SMIM27: variants seen among roughly 807,000 people sequenced by gnomAD.
The protein encoded by SMIM27 is transition zone microprotein 1.
Under a neutral mutation model 1.8 loss-of-function variants are expected in SMIM27, and 3 were observed. The observed-to-expected ratio is 1.65, with a 90% CI of 0.75 to 4.28. The LOEUF (loss-of-function observed/expected upper bound fraction) is 4.28. Among genes scored for constraint, SMIM27 ranks in the 30% most tolerant of loss-of-function variants. The pLI is 0.02. For missense variants in SMIM27, 63 were observed against 37.0 expected, an observed-to-expected ratio of 1.70 and a Z score of -1.83; for synonymous variants, 19 against 13.9, an observed-to-expected ratio of 1.37 and a Z score of -0.82.
intron 1 of SMIM27, chr9:32,566,227 TTG>T: frequency 1.1e-6 from 1 of 883,498 alleles, no homozygotes; most frequent in Non-Finnish European, 1.9e-6. Flanking sequence ...ATAGCTGGTT[TTG>T]TGGGTGGTTT....
At chr9:32,552,779 T>C (rs1821331299) in intron 1 of SMIM27, 22 bp from the exon 2 acceptor site, 1 of 698,546 alleles carries the variant, frequency 1.4e-6, no homozygotes, top group Non-Finnish European at 2.6e-6. Flanking sequence ...ATTTCACACC[T>C]CCTTTGCGAT....
At chr9:32,551,985 G>A (rs919923367), upstream of SMIM27, among the ~76,000 whole-genome samples, 2 of 151,998 alleles carry the variant, frequency 1.3e-5, no homozygotes, top group Non-Finnish European at 2.9e-5. Context: ...TCAGATGCGG[G>A]GAGGCGTGGG....
rs373649750 is a variant in SMIM27, at chr9:32,558,053, C to T, written c.45+5574C>T. 1.2e-4 allele frequency among the ~76,000 whole-genome samples: 18 copies of T among 152,166 alleles called. No individual in the cohort carries two copies. The South Asian group carries it at 3.3e-3, about 28-fold the overall frequency. ...AGTAAATACCAACTGACTACTGAGT[C>T]ACCTTTTAATGCTAAAATAACTCAT... On this transcript the variant is annotated intron_variant, in intron 1 of 1. Coordinates refer to the SMIM27 transcript ENST00000451672.
exon 2 of SMIM27, chr9:32,566,650 C>T: frequency 1.2e-6 from 1 of 800,736 alleles, no homozygotes; most frequent in Non-Finnish European, 2.3e-6. Context: ...CAGGAGCTCA[C>T]CTCTCTCAGG....
chr9:32,565,194 G>A (rs1292351878), intron 1 of SMIM27, among the ~76,000 whole-genome samples: 1 of 151,968 alleles, frequency 6.6e-6, no homozygotes, highest in African/African-American at 2.4e-5. Flanking sequence ...TTGGTAGGCT[G>A]AGGCAGGAGA....
intron 1 of SMIM27, among the ~76,000 whole-genome samples, chr9:32,565,780 C>A (rs554002233): frequency 6.6e-6 from 1 of 152,078 alleles, no homozygotes; most frequent in South Asian, 2.1e-4. Context: ...GAGACCAGGC[C>A]GACCAACATG....
At chr9:32,552,276 G>T (rs1343434389), upstream of SMIM27, 14 of 1,038,160 alleles carry the variant, frequency 1.3e-5, no homozygotes, top group Non-Finnish European at 2.0e-5. Context: ...CCCCAACTCC[G>T]GGCGGAAGAG....
rs1003826569 is a variant in SMIM27 at position 32,564,220 on chromosome 9, C to G, written c.46-2171C>G. ...AAAAACCATGAGTTCACACCAGTAC[C>G]TCCAATTCCATTCTACCACCACAAA... On this transcript the variant is annotated intron_variant, in intron 1 of 1. Transcript: ENST00000451672. Among the ~76,000 whole-genome samples the G allele has an allele frequency of 7.2e-5, 11 of 152,194 alleles. 1 individual carries two copies. Among genetic ancestry groups the G allele is most frequent in the Admixed American group, 6.5e-4 (10 of 15,290 alleles).
At chr9:32,554,489 C>A (rs2118995469), downstream of SMIM27, among the ~76,000 whole-genome samples, 1 of 152,320 alleles carries the variant, frequency 6.6e-6, no homozygotes, top group Admixed American at 6.5e-5. Flanking sequence ...GGAACCTCCA[C>A]TGACAAGCTG....
At chr9:32,551,661 G>C (rs908584066), upstream of SMIM27, 10 of 279,664 alleles carry the variant, frequency 3.6e-5, no homozygotes, top group Admixed American at 3.6e-4. Flanking sequence ...GGCCTCAAAT[G>C]TGAGCGCCCC....
chr9:32,565,385 T>C (rs965025950), intron 1 of SMIM27: 1 of 152,192 alleles, frequency 6.6e-6, no homozygotes, highest in Admixed American at 6.5e-5. Context: ...CACCTCTCTT[T>C]TGGGCATTTA....
At chr9:32,566,162 A>G (rs2119026284) in intron 1 of SMIM27, 1 of 705,604 alleles carries the variant, frequency 1.4e-6, no homozygotes, top group Non-Finnish European at 2.6e-6. Context: ...TGGCGCTTTC[A>G]CACAGGCCAC....
At chr9:32,566,245 T>G (rs942666134) in intron 1 of SMIM27, 10 of 999,974 alleles carry the variant, frequency 1.0e-5, no homozygotes, top group Non-Finnish European at 1.6e-5. Context: ...GGTTTTCTTA[T>G]GGCAGACAAC....
chr9:32,555,117 A>G (rs891349616), downstream of SMIM27, among the ~76,000 whole-genome samples: 1 of 152,030 alleles, frequency 6.6e-6, no homozygotes, highest in Non-Finnish European at 1.5e-5. Context: ...AAGTTAATAG[A>G]ATCTAAAAAT....
exon 2 of SMIM27, chr9:32,566,758 G>T: frequency 1.1e-6 from 1 of 906,118 alleles, no homozygotes. Context: ...TCCTCAGCCC[G>T]GGTGTCGGCT....
At chr9:32,556,843 CTA>C (rs1821468429), downstream of SMIM27, among the ~76,000 whole-genome samples, 1 of 138,070 alleles carries the variant, frequency 7.2e-6, no homozygotes, top group South Asian at 2.3e-4. Context: ...GAGAAATCCC[CTA>C]CTTTTTTTTT....
chr9:32,555,543 A>C (rs1456856974), downstream of SMIM27, among the ~76,000 whole-genome samples: 3 of 152,370 alleles, frequency 2.0e-5, no homozygotes, highest in African/African-American at 7.2e-5. Context: ...TGAGACACTG[A>C]CTAGAAGTAA....
In SMIM27 at chr9:32,552,426, C is replaced by T. The variant is rs202187156; in HGVS notation, c.-9C>T. ...GCCAGCTCCCGCGGACTGCTGCCGCCTCCTTACCATGAAGCCAGTAAGTCG... is the reference window on the plus strand; with the variant it reads ...GCCAGCTCCCGCGGACTGCTGCCGCTTCCTTACCATGAAGCCAGTAAGTCG... On this transcript the variant is annotated 5_prime_UTR_variant, in exon 1 of 2. Transcript: ENST00000692500. The T allele has an allele frequency of 6.2e-6, 10 of 1,609,722 alleles. No homozygotes were observed. The East Asian group carries it at 8.9e-5, about 14-fold the overall frequency.
At chr9:32,560,439 T>G (rs1357470576) in intron 1 of SMIM27, among the ~76,000 whole-genome samples, 1 of 152,220 alleles carries the variant, frequency 6.6e-6, no homozygotes, top group South Asian at 2.1e-4. Context: ...TAAAGTAAGT[T>G]AAACCCAGAG....
Sources: gnomAD v4.1 joint callset for allele counts (sites outside exome capture counted in the v4.1 genomes callset) on GRCh38, gnomAD v4.1.1 for gene constraint, MANE v1.5 for transcripts, NCBI Gene and HGNC (gene_info 2026-07-23, HGNC 2026-07-21) for gene names.